Variants in CCNK observed in about 807,000 individuals in gnomAD.
CCNK encodes the protein cyclin K, also known as cyclin-K.
Under a neutral mutation model 65.0 loss-of-function variants are expected in CCNK, and 9 were observed. The observed-to-expected ratio is 0.14, with a 90% CI of 0.08 to 0.24. The LOEUF is 0.24. CCNK is among the 10% of genes least tolerant of loss of function. CCNK has a pLI of 1.00. For missense variants in CCNK, 474 were observed against 720.0 expected, an observed-to-expected ratio of 0.66 and a Z score of 3.91; for synonymous variants, 279 against 270.8, an observed-to-expected ratio of 1.03 and a Z score of -0.30.
chr14:99,512,052 CTTTA>C lies in CCNK; in HGVS notation c.*1276_*1279del, dbSNP rs1364273830. 2 of 152,196 alleles carry C rather than the reference CTTTA, an allele frequency of 1.3e-5. No homozygotes were observed. The highest frequency in any genetic ancestry group is 4.8e-5 in the African/African-American group (2 of 41,440). The allele number at this position is 152,196 out of a possible 1,614,324, so 9.4% of individuals were successfully genotyped here. On this transcript the variant is annotated 3_prime_UTR_variant, in exon 11 of 11. Coordinates refer to ENST00000389879, the MANE Select transcript of CCNK (RefSeq NM_001099402.2). ...CCAGCCAGGAGGCTCACAAAGAGGC[CTTTA>C]TTTATCTAGCTCAAAGTAGACACTA...
intron 4 of CCNK, chr14:99,500,517 T>C (rs989503310): frequency 1.7e-5 from 7 of 414,016 alleles, no homozygotes; most frequent in Non-Finnish European, 3.0e-5. Context: ...ATAATATTTT[T>C]AAGGATCTTT....
At chr14:99,508,190 C>T (rs976589005) in intron 10 of CCNK, 9 of 152,226 alleles carry the variant, frequency 5.9e-5, no homozygotes, top group Non-Finnish European at 1.2e-4. Flanking sequence ...AGAACAGAGG[C>T]GTCATTTTCC....
At chr14:99,502,659 A>G in intron 7 of CCNK, 60 bp from the exon 8 acceptor site, 4 of 1,502,004 alleles carry the variant, frequency 2.7e-6, no homozygotes, top group Non-Finnish European at 3.7e-6. Context: ...TTCTTTATCC[A>G]GGTAAAATTT....
chr14:99,495,114 T>C (rs1043201660), intron 3 of CCNK: 4 of 169,158 alleles, frequency 2.4e-5, no homozygotes, highest in African/African-American at 7.2e-5. Context: ...TGGGCAGTGC[T>C]GCTGAGATGG....
chr14:99,498,807 G>A (rs1312821428), intron 4 of CCNK, among the ~76,000 whole-genome samples: 1 of 152,194 alleles, frequency 6.6e-6, no homozygotes, highest in African/African-American at 2.4e-5. Flanking sequence ...AATAGGGGCT[G>A]AGGGAAGGCG....
chr14:99,489,914 A>G (rs2139853918), intron 1 of CCNK, among the ~76,000 whole-genome samples: 1 of 152,350 alleles, frequency 6.6e-6, no homozygotes, highest in African/African-American at 2.4e-5. Context: ...GGAGAGAAGA[A>G]ACAAATATTA....
chr14:99,487,538 C>G (rs945285881), intron 1 of CCNK, among the ~76,000 whole-genome samples: 1 of 152,198 alleles, frequency 6.6e-6, no homozygotes, highest in Non-Finnish European at 1.5e-5. Context: ...ACAAATACTG[C>G]TTTATGCAAC....
At chr14:99,481,710 C>A in intron 1 of CCNK, 1 of 382,882 alleles carries the variant, frequency 2.6e-6, no homozygotes, top group Non-Finnish European at 4.6e-6. Context: ...CGGACTCACC[C>A]TAGAACTGGT....
chr14:99,493,278 A>T (rs576596982), intron 2 of CCNK, among the ~76,000 whole-genome samples: 1 of 152,314 alleles, frequency 6.6e-6, no homozygotes, highest in South Asian at 2.1e-4. Flanking sequence ...TGTCTCAAAA[A>T]AAAAAAGATC....
chr14:99,501,327 T>C (rs1896820090), intron 5 of CCNK, 29 bp from the exon 6 acceptor site: 1 of 1,470,152 alleles, frequency 6.8e-7, no homozygotes, highest in South Asian at 1.1e-5. Context: ...TCTATTGCTA[T>C]TAATTTACCT....
Position 99,495,566 on chromosome 14 carries a change from C to T in CCNK, c.348C>T (p.Ile116=). The change falls in exon 4 of 11, where the codon ATC becomes ATT. Residue 116 remains isoleucine (I), a synonymous_variant. Transcript: ENST00000389879. ...AAACACCAAAAAAATGTAAAGATAT[C>T]ATCAAAACAGCTCGTAGTTTATTAA... is the stretch of plus-strand genomic sequence containing the variant. The part of the protein sequence containing the change: ...VEETPKKCKD[I]IKTARSLLND... The T allele has an allele frequency of 6.2e-7, 1 of 1,613,260 alleles. No homozygotes were observed. Among genetic ancestry groups the T allele is most frequent in the Non-Finnish European group, 8.5e-7 (1 of 1,179,532 alleles).
intron 4 of CCNK, among the ~76,000 whole-genome samples, chr14:99,496,855 G>A (rs1226917078): frequency 6.6e-6 from 1 of 151,248 alleles, no homozygotes; most frequent in African/African-American, 2.4e-5. Context: ...AGAGGTTGCA[G>A]TGAGCCAAGA....
In CCNK at chr14:99,510,470, C is replaced by G; in HGVS notation, c.1431C>G (p.Val477=). 4 of 1,432,124 alleles carry G rather than the reference C, an allele frequency of 2.8e-6. No individual in the cohort carries two copies. Among genetic ancestry groups the G allele is most frequent in the Non-Finnish European group, 3.7e-6 (4 of 1,068,310 alleles). The allele number at this position is 1,432,124 out of a possible 1,614,324, so 88.7% of individuals were successfully genotyped here. Residue 477 remains valine, a synonymous_variant, in exon 11 of 11, where the codon GTC becomes GTG. Coordinates refer to ENST00000389879, the MANE Select transcript of CCNK (RefSeq NM_001099402.2). ...CACACCTGCCCTACCACCCCCATGT[C>G]TACCCGCCCAACCCGCCCCCGCCAC... ...PPAHLPYHPH[V]YPPNPPPPPV...
chr14:99,504,062 A>G, intron 9 of CCNK: 1 of 384,932 alleles, frequency 2.6e-6, no homozygotes, highest in Non-Finnish European at 5.1e-6. Flanking sequence ...GGCCCAGCCC[A>G]GCTGCCCTTG....
At chr14:99,503,424 A>C (rs1896890736) in intron 8 of CCNK, 187 bp from the exon 9 acceptor site, 1 of 608,604 alleles carries the variant, frequency 1.6e-6, no homozygotes, top group Non-Finnish European at 2.9e-6. Context: ...TGGAAAGAGG[A>C]AGGGAGCAGA....
chr14:99,499,989 C>T (rs1896784491), intron 4 of CCNK, among the ~76,000 whole-genome samples: 1 of 152,070 alleles, frequency 6.6e-6, no homozygotes, highest in Admixed American at 6.6e-5. Context: ...ACATGCAGAA[C>T]CCAGAAACTG....
chr14:99,484,108 A>G (rs1409815861), intron 1 of CCNK, among the ~76,000 whole-genome samples: 3 of 152,276 alleles, frequency 2.0e-5, no homozygotes, highest in African/African-American at 4.8e-5. Flanking sequence ...TGGCTTGACA[A>G]AAGTGGTTCT....
chr14:99,503,500 G>C lies in CCNK; in HGVS notation c.1012-111G>C, dbSNP rs1016186928. 3.6e-5 allele frequency: 31 copies of C among 861,442 alleles called. No individual in the cohort carries two copies. The East Asian group carries it at 6.9e-4, about 19-fold the overall frequency. The allele number at this position is 861,442 out of a possible 1,614,324, so 53.4% of individuals were successfully genotyped here. On this transcript the variant is annotated intron_variant, in intron 8 of 10. Transcript: ENST00000389879. ...CAGGCTAGAAATAATTTTTGTCCGA[G>C]GCTGTTCACAGTGACTGCCGTCGCT...
chr14:99,502,149 G>A (rs1262455854), intron 6 of CCNK, 58 bp from the exon 7 acceptor site: 7 of 1,505,932 alleles, frequency 4.6e-6, no homozygotes, highest in African/African-American at 2.8e-5. Context: ...TCCATGCACT[G>A]GTTTAATCAT....
Sources: gnomAD v4.1 joint callset for allele counts (sites outside exome capture counted in the v4.1 genomes callset) on GRCh38, gnomAD v4.1.1 for gene constraint, MANE v1.5 for transcripts, NCBI Gene and HGNC (gene_info 2026-07-23, HGNC 2026-07-21) for gene names.